Variants in TTC28 observed in about 807,000 individuals in gnomAD.
TTC28 encodes tetratricopeptide repeat domain 28.
A neutral mutation model predicts 198.0 loss-of-function variants in TTC28; 61 were observed. That is an observed-to-expected ratio of 0.31 (90% CI 0.25 to 0.38). The LOEUF (loss-of-function observed/expected upper bound fraction) is 0.38. Ranked by LOEUF, TTC28 falls within the 10% of genes least tolerant of loss-of-function variation. The probability of loss-of-function intolerance (pLI) is 1.00; values close to 1 mark genes in which losing one functional copy is unlikely to be tolerated. For missense variants in TTC28, 2,678 were observed against 3,164.0 expected (o/e 0.85, Z 3.69); for synonymous variants, 1,171 against 1,297.8 (o/e 0.90, Z 2.10).
intron 2 of TTC28, among the ~76,000 whole-genome samples, chr22:28,387,665 T>A (rs1353954112): frequency 1.3e-5 from 2 of 152,262 alleles, no homozygotes; most frequent in African/African-American, 4.8e-5. Flanking sequence ...TCTGTTCATG[T>A]CCTTCGCCCA....
chr22:27,990,721 G>T, intron 20 of TTC28, 68 bp downstream of exon 20: 1 of 1,484,728 alleles, frequency 6.7e-7, no homozygotes, highest in Non-Finnish European at 9.1e-7. Flanking sequence ...AGCCTGCCCA[G>T]GGGAACTCGG....
intron 2 of TTC28, among the ~76,000 whole-genome samples, chr22:28,368,191 AC>A (rs1355838649): frequency 6.6e-6 from 1 of 152,078 alleles, no homozygotes; most frequent in Non-Finnish European, 1.5e-5. Context: ...ACAAGACATT[AC>A]ATATTGGATT....
At chr22:28,071,749 A>AAAAAAAAAAAAAAAAAG (rs1940984120) in intron 12 of TTC28, among the ~76,000 whole-genome samples, 1 of 107,450 alleles carries the variant, frequency 9.3e-6, no homozygotes, top group African/African-American at 4.3e-5. Flanking sequence ...AAAAAAAAGG[A>AAAAAAAAAAAAAAAAAG]AAAAAAAAAA....
rs1396737341 is a variant in TTC28, at chr22:27,992,589, G to T, written c.5551C>A (p.Arg1851=). Residue 1851 remains arginine, a splice_region_variant and synonymous_variant, in exon 19 of 23, where the codon CGG becomes AGG. Transcript: ENST00000397906. Reference sequence around the variant, plus strand: ...TCAGCCCTCCAGGCTCGACTTACCCGGCTGATGAGCTGCTCGCCCGTCTCG... The same window carrying T: ...TCAGCCCTCCAGGCTCGACTTACCCTGCTGATGAGCTGCTCGCCCGTCTCG... ...ASETGEQLIS[R]AVKNMVGMLH... The T allele has an allele frequency of 6.4e-7, 1 of 1,551,498 alleles. No homozygotes were observed.
intron 6 of TTC28, among the ~76,000 whole-genome samples, chr22:28,124,193 TTG>T (rs1334668930): frequency 6.9e-6 from 1 of 145,380 alleles, no homozygotes; most frequent in Non-Finnish European, 1.5e-5. Flanking sequence ...GTTGTTGTTG[TTG>T]TTGTTTGTTT....
intron 5 of TTC28, among the ~76,000 whole-genome samples, chr22:28,258,663 T>C (rs917204955): frequency 8.5e-5 from 13 of 152,106 alleles, no homozygotes; most frequent in Middle Eastern, 3.2e-3. Context: ...AGTAACACTT[T>C]ACAGAAGAGG....
intron 2 of TTC28, among the ~76,000 whole-genome samples, chr22:28,512,101 AAAAC>A (rs1196668478): frequency 5.9e-5 from 9 of 152,138 alleles, no homozygotes; most frequent in Non-Finnish European, 1.2e-4. Context: ...TTACAAAAAA[AAAAC>A]AAACAAACCC....
chr22:28,301,857 T>C (rs1427499610), intron 3 of TTC28, among the ~76,000 whole-genome samples: 2 of 151,858 alleles, frequency 1.3e-5, no homozygotes, highest in Non-Finnish European at 2.9e-5. Flanking sequence ...GGCAACATGG[T>C]GAAACCTCAT....
Position 28,445,557 on chromosome 22 carries a change from C to G in TTC28, c.382-138914G>C, listed in dbSNP as rs1439041172. Among the ~76,000 whole-genome samples the G allele has an allele frequency of 2.6e-5, 4 of 152,172 alleles. No individual in the cohort carries two copies. In the East Asian group the frequency reaches 5.8e-4, roughly 22 times the overall value. On this transcript the variant is annotated intron_variant, in intron 2 of 22. Transcript: ENST00000397906. ...GCCCTTCAAGATCTGGACCCCTCCA[C>G]CTTTCTGAGCTCACCTTTTACCCTT...
At chr22:28,636,127 ATT>A (rs71316851) in intron 1 of TTC28, among the ~76,000 whole-genome samples, 5 of 65,734 alleles carry the variant, frequency 7.6e-5, no homozygotes, top group East Asian at 5.3e-4. Flanking sequence ...AAATGTCAGG[ATT>A]TTTTTTTTTT....
chr22:28,272,550 C>G (rs1487590614), intron 5 of TTC28, among the ~76,000 whole-genome samples: 2 of 152,164 alleles, frequency 1.3e-5, no homozygotes, highest in Non-Finnish European at 2.9e-5. Context: ...AAATAAATAT[C>G]AGGAATCAAA....
At position 28,296,348 on chromosome 22, in the gene TTC28, A is replaced by G; in HGVS notation, c.803-20T>C. 2 of 1,492,058 alleles carry G rather than the reference A, an allele frequency of 1.3e-6. No individual in the cohort carries two copies. Among genetic ancestry groups the G allele is most frequent in the Non-Finnish European group, 8.9e-7 (1 of 1,124,408 alleles). 92.4% of individuals were successfully genotyped at this position (1,492,058 alleles called of 1,614,324 possible). A position where few individuals can be genotyped will look rare whatever the true frequency, so the allele number is the denominator to read the frequency against. Reference sequence around the variant, plus strand: ...GGTCACCTGGATTGAATTGAGAAAAAAAAAAAGAAAAAATTTCTCTAAGTT... The same window carrying G: ...GGTCACCTGGATTGAATTGAGAAAAGAAAAAAGAAAAAATTTCTCTAAGTT... On this transcript the variant is annotated intron_variant, in intron 4 of 22. Transcript: ENST00000397906.
intron 12 of TTC28, among the ~76,000 whole-genome samples, chr22:28,035,220 A>C (rs1435167755): frequency 6.6e-6 from 1 of 151,906 alleles, no homozygotes. Flanking sequence ...ACTGATAACC[A>C]GTTATTTGCC....
In TTC28 at chr22:28,675,734, G is replaced by GTCAC. The variant is rs1555910086; in HGVS notation, c.102+3884_102+3887dup. On this transcript the variant is annotated intron_variant, in intron 1 of 22. Coordinates refer to ENST00000397906, the MANE Select transcript of TTC28 (RefSeq NM_001145418.2). ...AGCCTGGGCGACAGAGTGAAACCCTGTCACACACACACACACACACACACA... is the reference window on the plus strand; with the variant it reads ...AGCCTGGGCGACAGAGTGAAACCCTGTCACTCACACACACACACACACACACACA... 9.8e-4 allele frequency among the ~76,000 whole-genome samples: 79 copies of GTCAC among 80,986 alleles called. 1 individual carries two copies. Among genetic ancestry groups the GTCAC allele is most frequent in the Admixed American group, 2.3e-3 (20 of 8,550 alleles). The allele number at this position is 80,986 out of a possible 152,430, so 53.1% of individuals were successfully genotyped here. A position where few individuals can be genotyped will look rare whatever the true frequency, so the allele number is the denominator to read the frequency against.
intron 2 of TTC28, among the ~76,000 whole-genome samples, chr22:28,463,204 G>A (rs2047972964): frequency 1.3e-5 from 2 of 152,200 alleles, no homozygotes; most frequent in African/African-American, 4.8e-5. Context: ...TTAAGAAATT[G>A]CAATGGTAGC....
chr22:28,548,227 C>T (rs888805786), intron 2 of TTC28, among the ~76,000 whole-genome samples: 1 of 151,988 alleles, frequency 6.6e-6, no homozygotes, highest in Non-Finnish European at 1.5e-5. Flanking sequence ...GAACAAGGCC[C>T]GAAAGCAAAT....
At chr22:28,390,744 T>G (rs867717282) in intron 2 of TTC28, among the ~76,000 whole-genome samples, 20 of 152,184 alleles carry the variant, frequency 1.3e-4, no homozygotes, top group African/African-American at 4.6e-4. Context: ...TGTCTCTGCA[T>G]GTGAGATGGG....
intron 16 of TTC28, 98 bp downstream of exon 16, chr22:27,998,442 C>T (rs1937589171): frequency 1.6e-5 from 24 of 1,455,864 alleles, no homozygotes; most frequent in Non-Finnish European, 2.2e-5. Flanking sequence ...CCTTGCCCTG[C>T]CCTCCCCTCC....
In TTC28 at chr22:28,036,742, G is replaced by A. The variant is rs140362790; in HGVS notation, c.3933-6376C>T. 2.4e-3 allele frequency among the ~76,000 whole-genome samples: 360 copies of A among 152,036 alleles called. 3 individuals carry two copies. The highest frequency in any genetic ancestry group is 9.5e-3 in the East Asian group (49 of 5,174). Reference sequence around the variant, plus strand: ...AAGGAATCCAGGAGCTGGTTTTTTGGAAGGATCAACAAAATTGACAGACCG... The same window carrying A: ...AAGGAATCCAGGAGCTGGTTTTTTGAAAGGATCAACAAAATTGACAGACCG... On this transcript the variant is annotated intron_variant, in intron 12 of 22. Transcript: ENST00000397906.
Sources: gnomAD v4.1 joint callset for allele counts (sites outside exome capture counted in the v4.1 genomes callset) on GRCh38, gnomAD v4.1.1 for gene constraint, MANE v1.5 for transcripts, NCBI Gene and HGNC (gene_info 2026-07-23, HGNC 2026-07-21) for gene names.